AGAP3: variants seen among roughly 807,000 people sequenced by gnomAD.
AGAP3 encodes arf-GAP with GTPase, ANK repeat and PH domain-containing protein 3.
In AGAP3, 24 loss-of-function variants were observed where a neutral mutation model predicts 96.9. The observed-to-expected ratio is 0.25, with a 90% CI of 0.18 to 0.35. The LOEUF is 0.35. AGAP3 is among the 10% of genes least tolerant of loss of function. The pLI is 1.00. For synonymous variants in AGAP3, 563 were observed against 536.1 expected, an observed-to-expected ratio of 1.05 and a Z score of -0.69; for missense variants, 876 against 1,254.2, an observed-to-expected ratio of 0.70 and a Z score of 4.55.
chr7:151,130,745 G>A (rs960003603), intron 10 of AGAP3, among the ~76,000 whole-genome samples: 1 of 152,158 alleles, frequency 6.6e-6, no homozygotes, highest in East Asian at 1.9e-4. Flanking sequence ...GGCAGGGCCG[G>A]TTGTGGCTCC....
In AGAP3 at chr7:151,114,673, C is replaced by CA; in HGVS notation, c.332-2119dup. 1.0e-6 allele frequency: 1 copy of CA among 983,944 alleles called. No individual in the cohort carries two copies. The highest frequency in any genetic ancestry group is 1.2e-6 in the Non-Finnish European group (1 of 827,222). The allele number at this position is 983,944 out of a possible 1,614,324, so 61.0% of individuals were successfully genotyped here. Reference sequence around the variant, plus strand: ...ACTCGGTCGGCCCACACCAGGTGCCCAGAGGCCGGAGGTCCGTGCGCCCCG... The same window carrying CA: ...ACTCGGTCGGCCCACACCAGGTGCCCAAGAGGCCGGAGGTCCGTGCGCCCCG... On this transcript the variant is annotated intron_variant, in intron 1 of 17. Transcript: ENST00000397238. The surrounding 1 kb of genome is among the most constrained non-coding windows in gnomAD (Gnocchi z 4.4).
At position 151,138,217 on chromosome 7, in the gene AGAP3, C is replaced by T. The variant is rs745327784; in HGVS notation, c.1570C>T (p.Arg524Cys). ...CAGCAGCTCGGCCTGGGCTGGCCCG[C>T]GCCCTGAGGGGCTGCACCAGCGCTC... ...PLSSSAWAGP[R>C]PEGLHQRSCS... The change falls in exon 12 of 18, where the codon CGC (arginine) becomes TGC (cysteine). Residue 524 changes from arginine to cysteine, a missense_variant. Coordinates refer to ENST00000397238, the MANE Select transcript of AGAP3 (RefSeq NM_031946.7). 30 of 1,611,840 alleles carry T rather than the reference C, an allele frequency of 1.9e-5. No homozygotes were observed. Among genetic ancestry groups the T allele is most frequent in the Admixed American group, 6.7e-5 (4 of 59,908 alleles).
Position 151,117,731 on chromosome 7 carries a change from C to T in AGAP3, c.660C>T (p.Ser220=). 1 of 1,614,214 alleles carries T rather than the reference C, an allele frequency of 6.2e-7. No homozygotes were observed. Among genetic ancestry groups the T allele is most frequent in the Non-Finnish European group, 8.5e-7 (1 of 1,180,022 alleles). The change falls in exon 5 of 18, where the codon AGC becomes AGT. Residue 220 remains serine (S), a synonymous_variant. Coordinates refer to ENST00000397238, the MANE Select transcript of AGAP3 (RefSeq NM_031946.7). The part of the protein sequence containing the change: ...TVYNYFLRLC[S]FRNASEVPMV... ...ACAACTACTTCCTGCGTCTCTGCAG[C>T]TTCCGCAACGCCAGCGAGGTGCCCA...
chr7:151,096,630 G>A lies in AGAP3; in HGVS notation c.331+9558G>A, dbSNP rs557516019. Among the ~76,000 whole-genome samples the A allele has an allele frequency of 1.3e-5, 2 of 151,306 alleles. No homozygotes were observed. Among genetic ancestry groups the A allele is most frequent in the Admixed American group, 6.6e-5 (1 of 15,208 alleles). On this transcript the variant is annotated intron_variant, in intron 1 of 17. Transcript: ENST00000397238. The surrounding 1 kb of genome is among the most constrained non-coding windows in gnomAD (Gnocchi z 4.4). ...TGGGACTACAGGTGCCCACCACCAC[G>A]CCCGGCTTATTTTTTGTATTTTTAG...
intron 1 of AGAP3, among the ~76,000 whole-genome samples, chr7:151,087,847 AG>A (rs1798222771): frequency 6.6e-6 from 1 of 152,260 alleles, no homozygotes; most frequent in African/African-American, 2.4e-5. Context: ...CTGAGGGCAC[AG>A]GAAGTGGTGG....
chr7:151,123,683 C>T lies in AGAP3; in HGVS notation c.1129-111C>T, dbSNP rs565356051. 4.5e-4 allele frequency: 713 copies of T among 1,574,636 alleles called. 4 individuals carry two copies. The African/African-American group carries it at 7.6e-3, about 17-fold the overall frequency. ...CGTCCCGCCGCCCCGGCCCGACCCACTGCTAGGGCTGCCCAGGAGGAGGGA... is the reference window on the plus strand; with the variant it reads ...CGTCCCGCCGCCCCGGCCCGACCCATTGCTAGGGCTGCCCAGGAGGAGGGA... On this transcript the variant is annotated intron_variant, in intron 8 of 17. Coordinates refer to ENST00000397238, the MANE Select transcript of AGAP3 (RefSeq NM_031946.7).
intron 10 of AGAP3, among the ~76,000 whole-genome samples, chr7:151,132,531 T>C (rs1378156806): frequency 6.6e-6 from 1 of 152,178 alleles, no homozygotes; most frequent in East Asian, 1.9e-4. Flanking sequence ...AGTCCCCTGG[T>C]CCTCTTCCTG....
rs765174743 is a variant in AGAP3, at chr7:151,142,467, C to T, written c.2106C>T (p.Gly702=). The T allele has an allele frequency of 1.6e-5, 26 of 1,613,890 alleles. No homozygotes were observed. The East Asian group carries it at 5.8e-4, about 36-fold the overall frequency. The change falls in exon 16 of 18, where the codon GGC becomes GGT. Residue 702 remains glycine (G), a synonymous_variant. Coordinates refer to ENST00000397238, the MANE Select transcript of AGAP3 (RefSeq NM_031946.7). The surrounding 1 kb of genome is among the most constrained non-coding windows in gnomAD (Gnocchi z 7.5). The part of the protein sequence containing the change: ...LGALMCIECS[G]IHRHLGAHLS... Reference sequence around the variant, plus strand: ...CCCTGATGTGCATTGAGTGCTCAGGCATCCACCGACACCTGGGGGCTCACC... The same window carrying T: ...CCCTGATGTGCATTGAGTGCTCAGGTATCCACCGACACCTGGGGGCTCACC...
rs886920229 is a variant in AGAP3, at chr7:151,133,983, G to C, written c.1327-417G>C. Among the ~76,000 whole-genome samples, 1 of 152,178 alleles carries C rather than the reference G, an allele frequency of 6.6e-6. No individual in the cohort carries two copies. Among genetic ancestry groups the C allele is most frequent in the Non-Finnish European group, 1.5e-5 (1 of 68,028 alleles). ...TTTAGAAGGTTCTTAATGCCCAGGT[G>C]GGGGCTGCAGTGCTTGGTGGCCACC... On this transcript the variant is annotated intron_variant, in intron 10 of 17. Transcript: ENST00000397238. This position sits in a 1 kb window ranked among gnomAD's most constrained non-coding sequence, Gnocchi z 5.4.
chr7:151,092,709 A>G (rs1426744604), intron 1 of AGAP3, among the ~76,000 whole-genome samples: 1 of 152,014 alleles, frequency 6.6e-6, no homozygotes, highest in Non-Finnish European at 1.5e-5. Context: ...ACAGCCTAGG[A>G]CCTAGATTAA....
Position 151,143,749 on chromosome 7 carries a change from G to A in AGAP3, c.2542G>A (p.Val848Met), listed in dbSNP as rs371015974. The part of the protein sequence containing the change: ...TQLLIWYGVD[V>M]RSRDARGLTP... ...TTTTCTCCTACAGTACGGGGTGGACGTGAGGAGCCGGGACGCCCGGGGCCT... is the reference window on the plus strand; with the variant it reads ...TTTTCTCCTACAGTACGGGGTGGACATGAGGAGCCGGGACGCCCGGGGCCT... Residue 848 changes from valine to methionine, a missense_variant, in exon 18 of 18, where the codon GTG (valine) becomes ATG (methionine). Physicochemically the swap from Val to Met is conservative, Grantham distance 21. This residue lies in a region of AGAP3 where 213 missense variants were observed against 253.8 expected (regional missense o/e 0.84). Coordinates refer to ENST00000397238, the MANE Select transcript of AGAP3 (RefSeq NM_031946.7). This position sits in a 1 kb window ranked among gnomAD's most constrained non-coding sequence, Gnocchi z 5.9. 28 of 1,614,064 alleles carry A rather than the reference G, an allele frequency of 1.7e-5. No individual in the cohort carries two copies. The highest frequency in any genetic ancestry group is 5.3e-5 in the African/African-American group (4 of 74,944).
chr7:151,093,791 C>T (rs549386391), intron 1 of AGAP3, among the ~76,000 whole-genome samples: 1 of 152,352 alleles, frequency 6.6e-6, no homozygotes, highest in Non-Finnish European at 1.5e-5. Flanking sequence ...GTTCCCGTCC[C>T]TGCTCTGCCA....
At chr7:151,087,186 T>G in intron 1 of AGAP3, 114 bp downstream of exon 1, 1 of 1,165,662 alleles carries the variant, frequency 8.6e-7, no homozygotes. Context: ...CCTTGCGCGC[T>G]TGAGGACCAG....
rs375351075 is a variant in AGAP3 at position 151,120,872 on chromosome 7, C to T, written c.1128+727C>T. 4.4e-6 allele frequency: 5 copies of T among 1,141,728 alleles called. No homozygotes were observed. The Admixed American group carries it at 1.3e-4, about 29-fold the overall frequency. 70.7% of individuals were successfully genotyped at this position (1,141,728 alleles called of 1,614,324 possible). On this transcript the variant is annotated intron_variant, in intron 8 of 17. Transcript: ENST00000397238. ...TCTCAGGCCCCAGGGCCTGCTGTCTCTCCACTCCCAATGTGCGACACACAG... is the reference window on the plus strand; with the variant it reads ...TCTCAGGCCCCAGGGCCTGCTGTCTTTCCACTCCCAATGTGCGACACACAG...
chr7:151,126,506 G>A (rs1163373073), intron 9 of AGAP3, among the ~76,000 whole-genome samples: 2 of 151,702 alleles, frequency 1.3e-5, no homozygotes, highest in African/African-American at 2.4e-5. Flanking sequence ...GGACGGGGGC[G>A]GGGAGCCGGG....
intron 10 of AGAP3, 23 bp downstream of exon 10, chr7:151,128,707 C>T (rs1308102742): frequency 1.2e-5 from 20 of 1,603,766 alleles, no homozygotes; most frequent in East Asian, 8.9e-5. Context: ...GGAGGAGCCT[C>T]CTGGGGGAGT....
chr7:151,120,843 T>C, intron 8 of AGAP3: 1 of 1,158,072 alleles, frequency 8.6e-7, no homozygotes. Flanking sequence ...GGGTGGCCTC[T>C]GGCTCTCAGG....
At chr7:151,122,586 T>C (rs1250589694) in intron 8 of AGAP3, 22 of 910,614 alleles carry the variant, frequency 2.4e-5, no homozygotes, top group African/African-American at 8.5e-5. Context: ...TCCTCGTCCT[T>C]CTCCTCCTCC....
intron 1 of AGAP3, among the ~76,000 whole-genome samples, chr7:151,112,512 G>C (rs913242013): frequency 1.3e-5 from 2 of 151,526 alleles, no homozygotes; most frequent in East Asian, 3.9e-4. Flanking sequence ...AGGCAGCTAG[G>C]TTCTAAAGTG....
Sources: allele counts gnomAD v4.1 joint callset (sites outside exome capture counted in the v4.1 genomes callset), GRCh38; gene constraint gnomAD v4.1.1; regional missense constraint gnomAD v4.1.1; non-coding constraint Gnocchi (gnomAD v3.1); transcripts MANE v1.5; gene names NCBI Gene and HGNC (gene_info 2026-07-23, HGNC 2026-07-21).